Variants in ADCY2 observed in about 807,000 individuals in gnomAD.
ADCY2 encodes the protein adenylate cyclase type 2.
Under a neutral mutation model 125.2 loss-of-function variants are expected in ADCY2, and 31 were observed. The ratio of observed to expected loss-of-function variants is 0.25; its 90% CI spans 0.19 to 0.33. The LOEUF (loss-of-function observed/expected upper bound fraction) is 0.33. Among genes scored for constraint, ADCY2 ranks in the 10% least tolerant of loss-of-function variants. The pLI, the probability that ADCY2 is intolerant of heterozygous loss-of-function variation, is 1.00. For missense variants in ADCY2, 904 were observed against 1,418.2 expected (o/e 0.64, Z 5.82); for synonymous variants, 512 against 548.4 (o/e 0.93, Z 0.93).
At chr5:7,490,094 G>A (rs991047259) in intron 2 of ADCY2, among the ~76,000 whole-genome samples, 1 of 152,056 alleles carries the variant, frequency 6.6e-6, no homozygotes, top group African/African-American at 2.4e-5. Context: ...TCTGAGAAGA[G>A]GCAATGTGCT....
intron 2 of ADCY2, among the ~76,000 whole-genome samples, chr5:7,506,878 C>T (rs1425850609): frequency 3.4e-5 from 5 of 146,458 alleles, no homozygotes; most frequent in Non-Finnish European, 7.5e-5. Context: ...AGCCCCGCCT[C>T]CCGGGTTCAC....
At chr5:7,444,253 A>G (rs899969373) in intron 2 of ADCY2, among the ~76,000 whole-genome samples, 1 of 151,248 alleles carries the variant, frequency 6.6e-6, no homozygotes, top group Non-Finnish European at 1.5e-5. Flanking sequence ...AGCTGGGACT[A>G]CAGGCGCCCG....
At chr5:7,413,356 G>A (rs1481429632) in intron 1 of ADCY2, among the ~76,000 whole-genome samples, 1 of 151,876 alleles carries the variant, frequency 6.6e-6, no homozygotes, top group African/African-American at 2.4e-5. Flanking sequence ...GTGCAGTGGC[G>A]CGCTCACGGC....
intron 2 of ADCY2, among the ~76,000 whole-genome samples, chr5:7,418,647 G>GTTTTTTTGTT (rs1740054008): frequency 1.4e-5 from 1 of 73,766 alleles, no homozygotes; most frequent in African/African-American, 6.2e-5. Flanking sequence ...TCTACCTTCT[G>GTTTTTTTGTT]TTTTTTTTTT....
intron 4 of ADCY2, among the ~76,000 whole-genome samples, chr5:7,689,686 C>T (rs1228476105): frequency 1.3e-5 from 2 of 151,814 alleles, no homozygotes; most frequent in East Asian, 3.9e-4. Flanking sequence ...CCGAGCTTCC[C>T]CTCCTCCCCT....
intron 2 of ADCY2, among the ~76,000 whole-genome samples, chr5:7,490,583 T>A (rs1743124012): frequency 6.6e-6 from 1 of 152,122 alleles, no homozygotes; most frequent in Non-Finnish European, 1.5e-5. Context: ...AGAATAGAAA[T>A]GTACCTTATA....
intron 4 of ADCY2, among the ~76,000 whole-genome samples, chr5:7,668,915 T>C (rs1018522063): frequency 1.3e-5 from 2 of 152,214 alleles, no homozygotes; most frequent in Admixed American, 6.5e-5. Flanking sequence ...CTCCAGTCTT[T>C]ACTAATTTAA....
intron 2 of ADCY2, among the ~76,000 whole-genome samples, chr5:7,422,849 C>T (rs985401070): frequency 1.3e-5 from 2 of 152,170 alleles, no homozygotes; most frequent in African/African-American, 4.8e-5. Context: ...AAAGGCCTCT[C>T]TTAGCCTTTG....
At chr5:7,784,564 T>A in intron 19 of ADCY2, 115 bp downstream of exon 19, 1 of 713,804 alleles carries the variant, frequency 1.4e-6, no homozygotes. Context: ...AGAATTAGAA[T>A]CATCTTATCA....
At chr5:7,533,124 T>A (rs940078348) in intron 3 of ADCY2, among the ~76,000 whole-genome samples, 6 of 150,538 alleles carry the variant, frequency 4.0e-5, no homozygotes, top group Non-Finnish European at 7.4e-5. Flanking sequence ...TATACATATA[T>A]GCATATACAC....
At chr5:7,717,738 G>A (rs777582562) in intron 12 of ADCY2, among the ~76,000 whole-genome samples, 6 of 152,166 alleles carry the variant, frequency 3.9e-5, no homozygotes, top group Non-Finnish European at 7.4e-5. Context: ...TTGCTGTTAC[G>A]GTTTTAAATG....
intron 3 of ADCY2, chr5:7,522,731 T>A (rs2126535066): frequency 8.2e-6 from 1 of 121,826 alleles, no homozygotes; most frequent in African/African-American, 3.5e-5. Context: ...TGAAACCCCA[T>A]CTCTACTTAA....
At chr5:7,531,867 C>G (rs556931932) in intron 3 of ADCY2, among the ~76,000 whole-genome samples, 1 of 152,304 alleles carries the variant, frequency 6.6e-6, no homozygotes, top group Admixed American at 6.5e-5. Flanking sequence ...TTGAGCGAGT[C>G]TACTTTTCAA....
chr5:7,615,115 G>T (rs924952569), intron 3 of ADCY2, among the ~76,000 whole-genome samples: 1 of 152,138 alleles, frequency 6.6e-6, no homozygotes, highest in Non-Finnish European at 1.5e-5. Context: ...TAAACAGCCA[G>T]ATCTCATGAG....
At chr5:7,398,231 T>C (rs1739132812) in intron 1 of ADCY2, among the ~76,000 whole-genome samples, 1 of 152,184 alleles carries the variant, frequency 6.6e-6, no homozygotes, top group Non-Finnish European at 1.5e-5. Flanking sequence ...AAGTGTGAAA[T>C]TCATGCTTCC....
intron 14 of ADCY2, among the ~76,000 whole-genome samples, chr5:7,736,010 C>A (rs1396599186): frequency 1.3e-5 from 2 of 152,132 alleles, no homozygotes; most frequent in Non-Finnish European, 2.9e-5. Context: ...TCAGCCTGGA[C>A]AACATGGCAA....
At chr5:7,716,254 A>G (rs1447977714) in intron 11 of ADCY2, among the ~76,000 whole-genome samples, 1 of 152,216 alleles carries the variant, frequency 6.6e-6, no homozygotes, top group Non-Finnish European at 1.5e-5. Context: ...TTAAATACAT[A>G]CAATTAAGCT....
intron 12 of ADCY2, among the ~76,000 whole-genome samples, chr5:7,720,036 G>A (rs1416050703): frequency 1.3e-5 from 2 of 151,944 alleles, no homozygotes; most frequent in African/African-American, 2.4e-5. Context: ...AGACCTTAGT[G>A]TAAATAAGTA....
intron 3 of ADCY2, among the ~76,000 whole-genome samples, chr5:7,587,735 A>G (rs1303998791): frequency 1.3e-5 from 2 of 152,236 alleles, no homozygotes; most frequent in African/African-American, 2.4e-5. Flanking sequence ...AATGATTCCT[A>G]TTTATATTAT....
Sources: gnomAD v4.1 joint callset for allele counts (sites outside exome capture counted in the v4.1 genomes callset) on GRCh38, gnomAD v4.1.1 for gene constraint, MANE v1.5 for transcripts, NCBI Gene and HGNC (gene_info 2026-07-23, HGNC 2026-07-21) for gene names.